CAPZB: variants seen among roughly 807,000 people sequenced by gnomAD.
CAPZB encodes the protein capping actin protein of muscle Z-line subunit beta.
Under a neutral mutation model 38.1 loss-of-function variants are expected in CAPZB, and 2 were observed. The ratio of observed to expected loss-of-function variants is 0.05; its 90% CI spans 0.02 to 0.17. The LOEUF is 0.17. Ranked by LOEUF, CAPZB falls within the 10% of genes least tolerant of loss-of-function variation. The pLI, the probability that CAPZB is intolerant of heterozygous loss-of-function variation, is 1.00. For synonymous variants in CAPZB, 107 were observed against 127.4 expected, an observed-to-expected ratio of 0.84 and a Z score of 1.08; for missense variants, 161 against 334.2, an observed-to-expected ratio of 0.48 and a Z score of 4.04.
chr1:19,352,912 C>T (rs367791260), intron 6 of CAPZB, among the ~76,000 whole-genome samples: 2 of 152,032 alleles, frequency 1.3e-5, no homozygotes, highest in South Asian at 4.1e-4. Flanking sequence ...GGCGCTCTGC[C>T]CCGGCCACTG....
chr1:19,347,000 TTATTTTTA>T (rs2093965423), intron 6 of CAPZB, among the ~76,000 whole-genome samples: 1 of 151,320 alleles, frequency 6.6e-6, no homozygotes, highest in African/African-American at 2.4e-5. Flanking sequence ...TTTTTTATTT[TTATTTTTA>T]TTTTTTATTT....
At chr1:19,425,910 A>G (rs2094420790) in intron 1 of CAPZB, among the ~76,000 whole-genome samples, 1 of 152,228 alleles carries the variant, frequency 6.6e-6, no homozygotes, top group African/African-American at 2.4e-5. Context: ...ATCTACAACA[A>G]TGTCAATGTC....
chr1:19,357,335 A>T lies in CAPZB; in HGVS notation c.471+87T>A. On this transcript the variant is annotated intron_variant, in intron 5 of 8. Transcript: ENST00000264202. The surrounding 1 kb of genome is among the most constrained non-coding windows in gnomAD (Gnocchi z 4.3). Reference sequence around the variant, plus strand: ...GGTTCAGAGATCACAGCATCCCCCTACTGCATCTGTTAGAGAGCAGCGCGG... The same window carrying T: ...GGTTCAGAGATCACAGCATCCCCCTTCTGCATCTGTTAGAGAGCAGCGCGG... 8.2e-7 allele frequency: 1 copy of T among 1,214,220 alleles called. No individual in the cohort carries two copies. The highest frequency in any genetic ancestry group is 1.2e-6 in the Non-Finnish European group (1 of 834,432). 75.2% of individuals were successfully genotyped at this position (1,214,220 alleles called of 1,614,324 possible).
In CAPZB at chr1:19,480,508, C is replaced by T. The variant is rs77098412; in HGVS notation, c.3+4928G>A. On this transcript the variant is annotated intron_variant, in intron 1 of 8. Transcript: ENST00000264202. ...CAGCTCTCACTCAGTGTTTATGTAG[C>T]TGGCGCTAAGTGCCAGGCGGCCAGT... is the stretch of plus-strand genomic sequence containing the variant. Among the ~76,000 whole-genome samples, 1,908 of 152,318 alleles carry T rather than the reference C, an allele frequency of 0.013. 118 individuals are homozygous for T. The East Asian group carries it at 0.19, about 15-fold the overall frequency.
At chr1:19,361,651 T>C (rs2094053663) in intron 4 of CAPZB, among the ~76,000 whole-genome samples, 1 of 152,258 alleles carries the variant, frequency 6.6e-6, no homozygotes. Context: ...TCTTACCTAC[T>C]GTACTTTGAT....
At chr1:19,467,008 G>A (rs954681748) in intron 1 of CAPZB, among the ~76,000 whole-genome samples, 5 of 151,978 alleles carry the variant, frequency 3.3e-5, no homozygotes, top group African/African-American at 9.7e-5. Flanking sequence ...GGATCCTCCC[G>A]CCTCAGCCTC....
At chr1:19,353,439 C>T (rs896624312) in intron 6 of CAPZB, among the ~76,000 whole-genome samples, 4 of 151,934 alleles carry the variant, frequency 2.6e-5, no homozygotes, top group South Asian at 2.1e-4. Context: ...GACCACGCCA[C>T]GCCAGAATGC....
chr1:19,462,319 G>C (rs564702397), intron 1 of CAPZB, among the ~76,000 whole-genome samples: 1 of 151,918 alleles, frequency 6.6e-6, no homozygotes, highest in African/African-American at 2.4e-5. Flanking sequence ...TTAGCCAGGC[G>C]TGGTGGCGGG....
chr1:19,432,653 C>CA (rs988790821), intron 1 of CAPZB, among the ~76,000 whole-genome samples: 14 of 152,318 alleles, frequency 9.2e-5, no homozygotes, highest in Middle Eastern at 3.4e-3. Context: ...ACAACAGCTG[C>CA]AGGAGGTGGC....
At chr1:19,462,279 C>G (rs1286889423) in intron 1 of CAPZB, among the ~76,000 whole-genome samples, 1 of 141,862 alleles carries the variant, frequency 7.0e-6, no homozygotes, top group Non-Finnish European at 1.5e-5. Flanking sequence ...GGTGAAACCC[C>G]GTCTCTACTA....
intron 1 of CAPZB, among the ~76,000 whole-genome samples, chr1:19,434,865 G>A (rs1030126226): frequency 1.3e-5 from 2 of 152,068 alleles, no homozygotes; most frequent in African/African-American, 4.8e-5. Context: ...GCTGCAGTGA[G>A]CCACGATTGT....
intron 2 of CAPZB, among the ~76,000 whole-genome samples, chr1:19,386,106 A>G (rs1415099202): frequency 1.3e-5 from 2 of 152,244 alleles, no homozygotes; most frequent in Admixed American, 1.3e-4. Context: ...GCCCCTAGCC[A>G]AGTGTTACCA....
intron 2 of CAPZB, among the ~76,000 whole-genome samples, chr1:19,398,040 G>A (rs761370260): frequency 3.2e-4 from 49 of 152,142 alleles, no homozygotes; most frequent in Non-Finnish European, 1.8e-4. Context: ...TAGCAGAAAC[G>A]AGACACCTGA....
chr1:19,386,125 G>A (rs1333354648), intron 2 of CAPZB, among the ~76,000 whole-genome samples: 2 of 152,202 alleles, frequency 1.3e-5, no homozygotes, highest in African/African-American at 4.8e-5. Context: ...CAGTTGGCTT[G>A]TAGAGTCAAC....
intron 7 of CAPZB, among the ~76,000 whole-genome samples, chr1:19,344,670 G>C (rs1223701026): frequency 6.6e-6 from 1 of 152,232 alleles, no homozygotes; most frequent in Non-Finnish European, 1.5e-5. Flanking sequence ...CCAGGGATTG[G>C]CGGCCAGCTC....
chr1:19,410,349 C>G (rs2314145), intron 2 of CAPZB, among the ~76,000 whole-genome samples: 34,693 of 152,144 alleles, frequency 0.23, 4,328 homozygotes, highest in East Asian at 0.46. Context: ...CCCGTTGGTT[C>G]TTGCAGTGCA....
intron 1 of CAPZB, among the ~76,000 whole-genome samples, chr1:19,470,012 G>A (rs1184538771): frequency 6.6e-6 from 1 of 152,128 alleles, no homozygotes; most frequent in African/African-American, 2.4e-5. Flanking sequence ...TTGAGCACAA[G>A]AGTTTGAGAC....
At chr1:19,472,932 T>C (rs929399097) in intron 1 of CAPZB, among the ~76,000 whole-genome samples, 30 of 151,986 alleles carry the variant, frequency 2.0e-4, no homozygotes, top group African/African-American at 6.8e-4. Flanking sequence ...TTAGCCAGGA[T>C]GGTCTGGATC....
chr1:19,375,539 T>C (rs956643450), intron 4 of CAPZB, among the ~76,000 whole-genome samples: 3 of 152,236 alleles, frequency 2.0e-5, no homozygotes, highest in South Asian at 2.1e-4. Flanking sequence ...CTACACACTG[T>C]TGCAGACCCT....
Sources: gnomAD v4.1 joint callset for allele counts (sites outside exome capture counted in the v4.1 genomes callset) on GRCh38, gnomAD v4.1.1 for gene constraint, Gnocchi (gnomAD v3.1) non-coding constraint, MANE v1.5 for transcripts, NCBI Gene and HGNC (gene_info 2026-07-23, HGNC 2026-07-21) for gene names.